The following ADK variants were observed in gnomAD, a reference collection of about 807,000 sequenced individuals.
The protein encoded by ADK is N6,N6-dimethyladenosine kinase.
ADK carries 24 observed loss-of-function variants against 44.7 expected under a neutral mutation model. The observed-to-expected ratio is 0.54, with a 90% CI of 0.39 to 0.76. The LOEUF is 0.76. Ranked by LOEUF, ADK falls within the 30% of genes least tolerant of loss-of-function variation. ADK has a pLI of 0.00. For missense variants in ADK, 321 were observed against 425.1 expected (o/e 0.76, Z 2.15); for synonymous variants, 128 against 142.6 (o/e 0.90, Z 0.73).
At chr10:74,277,947 A>C (rs924359880) in intron 3 of ADK, among the ~76,000 whole-genome samples, 1 of 152,280 alleles carries the variant, frequency 6.6e-6, no homozygotes, top group East Asian at 1.9e-4. Flanking sequence ...CATATATTCC[A>C]TATATCATTA....
At chr10:74,179,129 T>G (rs747821316) in intron 1 of ADK, among the ~76,000 whole-genome samples, 19 of 152,132 alleles carry the variant, frequency 1.2e-4, no homozygotes, top group Non-Finnish European at 2.2e-4. Flanking sequence ...AACTACTGGG[T>G]GTTGGGAAGT....
chr10:74,292,240 G>A (rs1341265339), intron 3 of ADK, among the ~76,000 whole-genome samples: 1 of 152,110 alleles, frequency 6.6e-6, no homozygotes, highest in South Asian at 2.1e-4. Context: ...TATACTGGAG[G>A]GGAATTTAGG....
At chr10:74,421,349 TTTC>T (rs2133028429) in intron 6 of ADK, among the ~76,000 whole-genome samples, 1 of 152,200 alleles carries the variant, frequency 6.6e-6, no homozygotes, top group South Asian at 2.1e-4. Context: ...GGAAGCTAGG[TTTC>T]TCACTGTCAG....
At chr10:74,222,622 C>T (rs1035601040) in intron 2 of ADK, among the ~76,000 whole-genome samples, 1 of 152,042 alleles carries the variant, frequency 6.6e-6, no homozygotes, top group Admixed American at 6.6e-5. Context: ...AAATGTCCAA[C>T]AATGATAGAC....
rs899753352 is a variant in ADK at position 74,438,659 on chromosome 10, C to G, written c.555+40080C>G. Among the ~76,000 whole-genome samples, 4 of 151,954 alleles carry G rather than the reference C, an allele frequency of 2.6e-5. No individual in the cohort carries two copies. In the South Asian group the frequency reaches 6.3e-4, roughly 24 times the overall value. ...AGTGATGAGCATGTTGTAAGCAACC[C>G]GATATGTATAAATTCATTGATGGTG... On this transcript the variant is annotated intron_variant, in intron 6 of 10. Coordinates refer to ENST00000539909, the MANE Select transcript of ADK (RefSeq NM_006721.4).
chr10:74,176,783 G>C, intron 1 of ADK: 1 of 1,586,318 alleles, frequency 6.3e-7, no homozygotes. Flanking sequence ...TGCCTGAGCC[G>C]GGAAGCAGTT....
At chr10:74,362,411 G>A (rs1239513274) in intron 4 of ADK, among the ~76,000 whole-genome samples, 1 of 151,090 alleles carries the variant, frequency 6.6e-6, no homozygotes, top group African/African-American at 2.4e-5. Flanking sequence ...TTTTAAAAAA[G>A]TTATTTGAGT....
intron 4 of ADK, among the ~76,000 whole-genome samples, chr10:74,359,122 G>C (rs1156407595): frequency 6.6e-6 from 1 of 151,596 alleles, no homozygotes; most frequent in Admixed American, 6.6e-5. Flanking sequence ...TTTTATACAT[G>C]GTATAAGATG....
At chr10:74,543,573 A>G (rs1011573477) in intron 7 of ADK, among the ~76,000 whole-genome samples, 1 of 152,202 alleles carries the variant, frequency 6.6e-6, no homozygotes, top group Non-Finnish European at 1.5e-5. Context: ...AGTGCATATA[A>G]CGTTTTGTTA....
At chr10:74,177,945 A>ATATATTT (rs10693309) in intron 1 of ADK, among the ~76,000 whole-genome samples, 6,941 of 108,580 alleles carry the variant, frequency 0.064, 281 homozygotes, top group Non-Finnish European at 0.08. Context: ...ATATATATAT[A>ATATATTT]TTTTTTTTTT....
chr10:74,684,976 G>A (rs1224005139), intron 10 of ADK, among the ~76,000 whole-genome samples: 1 of 152,060 alleles, frequency 6.6e-6, no homozygotes, highest in Admixed American at 6.6e-5. Context: ...GCTGATGCAC[G>A]TTGTGCAAAA....
chr10:74,321,886 C>T (rs1284418332), intron 4 of ADK, among the ~76,000 whole-genome samples: 3 of 151,868 alleles, frequency 2.0e-5, no homozygotes, highest in African/African-American at 7.3e-5. Flanking sequence ...AAACACTAAA[C>T]AAAAGAAGTT....
At chr10:74,393,482 A>C (rs756753240) in intron 4 of ADK, among the ~76,000 whole-genome samples, 1 of 152,174 alleles carries the variant, frequency 6.6e-6, no homozygotes, top group Non-Finnish European at 1.5e-5. Context: ...TTTTAAAAGA[A>C]TTTTTTTAGA....
intron 4 of ADK, among the ~76,000 whole-genome samples, chr10:74,383,366 C>G (rs370000477): frequency 2.9e-5 from 4 of 138,612 alleles, no homozygotes; most frequent in African/African-American, 1.0e-4. Context: ...TTTTAGTTTT[C>G]TGATTCCAGT....
intron 1 of ADK, among the ~76,000 whole-genome samples, chr10:74,180,208 T>TTTA (rs201127930): frequency 0.039 from 3,734 of 96,470 alleles, 90 homozygotes; most frequent in African/African-American, 0.069. Flanking sequence ...CTCTTTTCTT[T>TTTA]TTATTATTAT....
chr10:74,324,874 G>A (rs1840952930), intron 4 of ADK, among the ~76,000 whole-genome samples: 1 of 152,106 alleles, frequency 6.6e-6, no homozygotes, highest in African/African-American at 2.4e-5. Flanking sequence ...AGTGTACAGG[G>A]TTCCCTTAAT....
intron 4 of ADK, among the ~76,000 whole-genome samples, chr10:74,340,177 A>G (rs1192944065): frequency 6.6e-6 from 1 of 152,170 alleles, no homozygotes; most frequent in Non-Finnish European, 1.5e-5. Context: ...ATATTAATTT[A>G]CATTTAATTT....
chr10:74,604,966 G>T (rs946383694), intron 9 of ADK, among the ~76,000 whole-genome samples: 4 of 152,232 alleles, frequency 2.6e-5, no homozygotes, highest in Admixed American at 2.6e-4. Context: ...CACATCCCTT[G>T]TAAGTTGTAT....
At chr10:74,691,386 G>T (rs1039206529) in intron 10 of ADK, among the ~76,000 whole-genome samples, 5 of 152,154 alleles carry the variant, frequency 3.3e-5, no homozygotes, top group African/African-American at 1.2e-4. Context: ...GATAACTTAT[G>T]TTACTACTCC....
Sources: allele counts gnomAD v4.1 joint callset (sites outside exome capture counted in the v4.1 genomes callset), GRCh38; gene constraint gnomAD v4.1.1; transcripts MANE v1.5; gene names NCBI Gene and HGNC (gene_info 2026-07-23, HGNC 2026-07-21).